PARD3: variants seen among roughly 807,000 people sequenced by gnomAD.
PARD3 encodes par-3 family cell polarity regulator, also known as partitioning defective 3 homolog.
PARD3 carries 75 observed loss-of-function variants against 155.4 expected under a neutral mutation model. The ratio of observed to expected loss-of-function variants is 0.48; its 90% CI spans 0.40 to 0.58. The LOEUF (loss-of-function observed/expected upper bound fraction) is 0.58. Among genes scored for constraint, PARD3 ranks in the 20% least tolerant of loss-of-function variants. The pLI is 0.00. For missense variants in PARD3, 1,642 were observed against 1,721.7 expected (o/e 0.95, Z 0.82); for synonymous variants, 576 against 610.5 (o/e 0.94, Z 0.83).
At chr10:34,382,029 T>C (rs1841915762) in intron 9 of PARD3, among the ~76,000 whole-genome samples, 2 of 149,382 alleles carry the variant, frequency 1.3e-5, no homozygotes, top group Non-Finnish European at 3.0e-5. Flanking sequence ...CAAGAGTCAA[T>C]GGCCTGGCTT....
intron 20 of PARD3, among the ~76,000 whole-genome samples, chr10:34,300,493 A>T (rs988842795): frequency 2.6e-5 from 4 of 152,160 alleles, no homozygotes; most frequent in African/African-American, 9.7e-5. Flanking sequence ...CATCTCTACA[A>T]ATAAATGAAT....
chr10:34,656,672 T>A (rs994505709), intron 2 of PARD3, among the ~76,000 whole-genome samples: 3 of 152,202 alleles, frequency 2.0e-5, no homozygotes, highest in Non-Finnish European at 4.4e-5. Context: ...CTGGTAATGG[T>A]GACCTACTTG....
chr10:34,231,690 C>T (rs185743401), intron 22 of PARD3, among the ~76,000 whole-genome samples: 491 of 151,936 alleles, frequency 3.2e-3, no homozygotes, highest in Non-Finnish European at 5.5e-3. Context: ...CCCTGACCTT[C>T]GCATCTGTGC....
chr10:34,673,229 TCTCTCTATC>T, intron 2 of PARD3, among the ~76,000 whole-genome samples: 1 of 152,196 alleles, frequency 6.6e-6, no homozygotes, highest in African/African-American at 2.4e-5. Flanking sequence ...AAATCAGGAA[TCTCTCTATC>T]TAGGGAGAGC....
intron 5 of PARD3, among the ~76,000 whole-genome samples, chr10:34,439,336 C>T (rs1296276085): frequency 6.6e-6 from 1 of 151,562 alleles, no homozygotes; most frequent in African/African-American, 2.4e-5. Context: ...AAACTTAATT[C>T]CAACACATAT....
At chr10:34,374,786 T>A (rs769448226) in intron 11 of PARD3, 88 bp downstream of exon 11, 1 of 1,236,302 alleles carries the variant, frequency 8.1e-7, no homozygotes, top group Non-Finnish European at 1.1e-6. Context: ...TCAGAAAATG[T>A]CTCAATAAAC....
intron 1 of PARD3, among the ~76,000 whole-genome samples, chr10:34,697,766 A>AACACGCACACAC (rs377094946): frequency 2.0e-5 from 3 of 146,428 alleles, no homozygotes; most frequent in Middle Eastern, 3.2e-3. Context: ...TTGTAAAACA[A>AACACGCACACAC]ACACTCACAC....
At chr10:34,781,201 T>G (rs1055853218) in intron 1 of PARD3, among the ~76,000 whole-genome samples, 1 of 152,218 alleles carries the variant, frequency 6.6e-6, no homozygotes, top group Non-Finnish European at 1.5e-5. Flanking sequence ...CACTAAGCAC[T>G]GCTGAGAGCC....
intron 2 of PARD3, among the ~76,000 whole-genome samples, chr10:34,641,540 G>A (rs2092679107): frequency 6.6e-6 from 1 of 152,196 alleles, no homozygotes; most frequent in Non-Finnish European, 1.5e-5. Flanking sequence ...AAAAATCTCA[G>A]GGCCTGGAGG....
At position 34,301,877 on chromosome 10, in the gene PARD3, T is replaced by C. The variant is rs192970203; in HGVS notation, c.3065+15230A>G. On this transcript the variant is annotated intron_variant, in intron 20 of 24. Coordinates refer to ENST00000374788, the MANE Select transcript of PARD3 (RefSeq NM_001184785.2). ...ATAAGCAAGTCCCCTAGAGTCTACC[T>C]GAGAAATACATCTATATGTCTCTGT... Among the ~76,000 whole-genome samples, 85 of 147,880 alleles carry C rather than the reference T, an allele frequency of 5.7e-4. 1 individual carries two copies. Among genetic ancestry groups the C allele is most frequent in the African/African-American group, 2.0e-3 (81 of 40,166 alleles).
chr10:34,542,809 C>T (rs1222715678), intron 2 of PARD3, among the ~76,000 whole-genome samples: 2 of 152,176 alleles, frequency 1.3e-5, no homozygotes, highest in Non-Finnish European at 2.9e-5. Flanking sequence ...TGGAACAAGG[C>T]ATCATCATTT....
chr10:34,728,815 G>C (rs1434561061), intron 1 of PARD3, among the ~76,000 whole-genome samples: 1 of 152,108 alleles, frequency 6.6e-6, no homozygotes, highest in Non-Finnish European at 1.5e-5. Flanking sequence ...AATATTCTAG[G>C]TTTCATATCA....
At chr10:34,732,682 A>G (rs986226570) in intron 1 of PARD3, among the ~76,000 whole-genome samples, 1 of 152,362 alleles carries the variant, frequency 6.6e-6, no homozygotes, top group African/African-American at 2.4e-5. Context: ...TGGAGGACAG[A>G]GCAAGACAAT....
At chr10:34,445,531 T>C (rs543784248) in intron 5 of PARD3, among the ~76,000 whole-genome samples, 5 of 152,298 alleles carry the variant, frequency 3.3e-5, no homozygotes, top group Admixed American at 6.5e-5. Context: ...TCAGTCCACA[T>C]AGACAACTAA....
chr10:34,344,624 A>AT, intron 15 of PARD3: 1 of 985,380 alleles, frequency 1.0e-6, no homozygotes, highest in Non-Finnish European at 1.2e-6. Context: ...GAGACCAACC[A>AT]TTAGAAAAAT....
At chr10:34,354,681 A>T (rs1189796299) in intron 14 of PARD3, among the ~76,000 whole-genome samples, 1 of 152,124 alleles carries the variant, frequency 6.6e-6, no homozygotes, top group Non-Finnish European at 1.5e-5. Flanking sequence ...CAAGTGGAAG[A>T]CCTAGAGGTG....
intron 1 of PARD3, among the ~76,000 whole-genome samples, chr10:34,742,263 GCACTTGCCTCTGA>G (rs2095032536): frequency 6.6e-6 from 1 of 152,148 alleles, no homozygotes; most frequent in Admixed American, 6.5e-5. Flanking sequence ...GAGATCAGAG[GCACTTGCCTCTGA>G]CACCAATGTA....
chr10:34,637,141 T>A (rs1590343423), intron 2 of PARD3, among the ~76,000 whole-genome samples: 1 of 152,208 alleles, frequency 6.6e-6, no homozygotes, highest in Non-Finnish European at 1.5e-5. Flanking sequence ...CAGAAATCAA[T>A]AAGTAAAATA....
chr10:34,218,525 A>G (rs1039959788), intron 22 of PARD3, among the ~76,000 whole-genome samples: 2 of 152,226 alleles, frequency 1.3e-5, no homozygotes, highest in African/African-American at 2.4e-5. Flanking sequence ...GATGTGCCCA[A>G]GTAACAGACG....
Sources: allele counts gnomAD v4.1 joint callset (sites outside exome capture counted in the v4.1 genomes callset), GRCh38; gene constraint gnomAD v4.1.1; transcripts MANE v1.5; gene names NCBI Gene and HGNC (gene_info 2026-07-23, HGNC 2026-07-21).